BFSP2: variants seen among roughly 807,000 people sequenced by gnomAD.
The protein encoded by BFSP2 is phakinin.
In BFSP2, 38 loss-of-function variants were observed where a neutral mutation model predicts 44.9. The observed-to-expected ratio is 0.85, with a 90% CI of 0.65 to 1.11. The LOEUF (loss-of-function observed/expected upper bound fraction) is 1.11. Among genes scored for constraint, BFSP2 ranks in the 50% least tolerant of loss-of-function variants. The pLI is 0.00. For missense variants in BFSP2, 525 were observed against 533.0 expected, an observed-to-expected ratio of 0.99 and a Z score of 0.15; for synonymous variants, 197 against 209.9, an observed-to-expected ratio of 0.94 and a Z score of 0.53.
chr3:133,406,160 T>C (rs935797388), intron 1 of BFSP2, among the ~76,000 whole-genome samples: 3 of 151,376 alleles, frequency 2.0e-5, no homozygotes, highest in African/African-American at 4.9e-5. Flanking sequence ...GGTTTCACCA[T>C]GTTGGCCAGG....
chr3:133,473,438 C>CAAAAA (rs748691333), intron 6 of BFSP2, among the ~76,000 whole-genome samples: 6 of 73,056 alleles, frequency 8.2e-5, no homozygotes, highest in African/African-American at 3.1e-4. Context: ...GAGGCAGCAG[C>CAAAAA]AAAAAAAAAA....
At chr3:133,425,177 T>C (rs79149307) in intron 1 of BFSP2, among the ~76,000 whole-genome samples, 1,656 of 152,254 alleles carry the variant, frequency 0.011, 31 homozygotes, top group African/African-American at 0.038. Flanking sequence ...ATTATGGTCA[T>C]TCATGAGATT....
chr3:133,425,853 G>GAAGGGAAAC (rs772194357), intron 1 of BFSP2, among the ~76,000 whole-genome samples: 10,704 of 110,930 alleles, frequency 0.096, 1,412 homozygotes, highest in African/African-American at 0.23. Context: ...AGAAGGGAAA[G>GAAGGGAAAC]GAAGGGAAGG....
chr3:133,417,116 T>TTCTCCCCTCTACTTACCCCTGCCC (rs2073543139), intron 1 of BFSP2, among the ~76,000 whole-genome samples: 3 of 34,430 alleles, frequency 8.7e-5, no homozygotes, highest in Admixed American at 3.1e-4. Context: ...CACCCCTGCC[T>TTCTCCCCTCTACTTACCCCTGCCC]TCTCCCCTCT....
intron 1 of BFSP2, among the ~76,000 whole-genome samples, chr3:133,438,329 C>A (rs2073810929): frequency 6.6e-6 from 1 of 152,196 alleles, no homozygotes; most frequent in Non-Finnish European, 1.5e-5. Flanking sequence ...GAGTTCGAGA[C>A]CAGCCTGGCC....
chr3:133,406,539 C>T (rs2073406407), intron 1 of BFSP2, among the ~76,000 whole-genome samples: 2 of 152,154 alleles, frequency 1.3e-5, no homozygotes, highest in Admixed American at 6.5e-5. Flanking sequence ...TGAAGCCAGA[C>T]AGCCCCTAGC....
intron 1 of BFSP2, among the ~76,000 whole-genome samples, chr3:133,432,911 C>T (rs1335718470): frequency 6.6e-6 from 1 of 152,140 alleles, no homozygotes; most frequent in Non-Finnish European, 1.5e-5. Context: ...ACTGTTTTAG[C>T]CTAGCCCTCA....
chr3:133,403,989 G>A lies in BFSP2; in HGVS notation c.489+3417G>A, dbSNP rs899982982. ...TGGCAGAATCAGGAAGGCCGTCCTG[G>A]GGAGGGGGGAATCTTCCTCATCCTT... On this transcript the variant is annotated intron_variant, in intron 1 of 6. Transcript: ENST00000302334. Among the ~76,000 whole-genome samples the A allele has an allele frequency of 8.4e-5, 7 of 83,190 alleles. 1 individual carries two copies. The highest frequency in any genetic ancestry group is 3.2e-5 in the Non-Finnish European group (1 of 31,072). The allele number at this position is 83,190 out of a possible 152,430, so 54.6% of individuals were successfully genotyped here.
At position 133,400,621 on chromosome 3, in the gene BFSP2, T is replaced by C. The variant is rs773803150; in HGVS notation, c.489+49T>C. The C allele has an allele frequency of 4.0e-5, 62 of 1,557,656 alleles. No homozygotes were observed. In the African/African-American group the frequency reaches 6.1e-4, roughly 15 times the overall value. ...GGCTTTGCAGAGGGCTGGGAGGGGCTGCTGAAGGCAGCGGGTAGGGTTGTG... is the reference window on the plus strand; with the variant it reads ...GGCTTTGCAGAGGGCTGGGAGGGGCCGCTGAAGGCAGCGGGTAGGGTTGTG... On this transcript the variant is annotated intron_variant, in intron 1 of 6. Coordinates refer to ENST00000302334, the MANE Select transcript of BFSP2 (RefSeq NM_003571.4). This position sits in a 1 kb window ranked among gnomAD's most constrained non-coding sequence, Gnocchi z 4.0.
In BFSP2 at chr3:133,446,568, A is replaced by ATT. The variant is rs768442551; in HGVS notation, c.490-747_490-746dup. On this transcript the variant is annotated intron_variant, in intron 1 of 6. Coordinates refer to ENST00000302334, the MANE Select transcript of BFSP2 (RefSeq NM_003571.4). Reference sequence around the variant, plus strand: ...CCCCTATCAGAGCCTTCAGCTCACCATTTATATATATATATATATATATAT... The same window carrying ATT: ...CCCCTATCAGAGCCTTCAGCTCACCATTTTTATATATATATATATATATATAT... Among the ~76,000 whole-genome samples, 24 of 18,286 alleles carry ATT rather than the reference A, an allele frequency of 1.3e-3. 9 individuals carry two copies. In the South Asian group the frequency reaches 0.019, roughly 15 times the overall value. The allele number at this position is 18,286 out of a possible 152,430, so 12.0% of individuals were successfully genotyped here.
chr3:133,454,462 A>T (rs2073995197), intron 4 of BFSP2, among the ~76,000 whole-genome samples: 1 of 152,182 alleles, frequency 6.6e-6, no homozygotes, highest in Non-Finnish European at 1.5e-5. Context: ...CAATCCTGAC[A>T]CTACCTGCCT....
chr3:133,459,830 A>G (rs2074045735), intron 4 of BFSP2, among the ~76,000 whole-genome samples: 1 of 152,232 alleles, frequency 6.6e-6, no homozygotes, highest in African/African-American at 2.4e-5. Flanking sequence ...CTGTTATAAT[A>G]ACGATAGCTG....
chr3:133,400,523 CG>C lies in BFSP2; in HGVS notation c.443del (p.Gly148GlufsTer71). 1 of 1,613,642 alleles carries C rather than the reference CG, an allele frequency of 6.2e-7. No individual in the cohort carries two copies. On this transcript the variant is annotated frameshift_variant, in exon 1 of 7. Transcript: ENST00000302334. LOFTEE classifies it high-confidence loss of function. The surrounding 1 kb of genome is among the most constrained non-coding windows in gnomAD (Gnocchi z 4.0). ...RMHLESKATRSGNWGALRASW... is the reference protein window; with the variant it reads ...RMHLESKATRXGNWGALRASW... ...CACCTGGAGAGCAAAGCCACACGCT[CG>C]GGAAACTGGGGTGCCCTACGGGCTT...
chr3:133,429,869 AG>A (rs1437385357), intron 1 of BFSP2, among the ~76,000 whole-genome samples: 3 of 151,676 alleles, frequency 2.0e-5, no homozygotes, highest in Non-Finnish European at 4.4e-5. Context: ...CTCGTCATTT[AG>A]CATTAGGTAT....
chr3:133,433,067 G>A (rs2073743567), intron 1 of BFSP2, among the ~76,000 whole-genome samples: 2 of 151,930 alleles, frequency 1.3e-5, no homozygotes, highest in Admixed American at 6.6e-5. Context: ...TCTGCTCCCC[G>A]GCACCTTCAG....
In BFSP2 at chr3:133,472,497, G is replaced by A. The variant is rs1055196117; in HGVS notation, c.1176G>A (p.Leu392=). The A allele has an allele frequency of 5.6e-6, 9 of 1,613,272 alleles. No individual in the cohort carries two copies. The highest frequency in any genetic ancestry group is 7.6e-6 in the Non-Finnish European group (9 of 1,180,028). Residue 392 remains leucine (L), a synonymous_variant, in exon 6 of 7, where the codon CTG becomes CTA. Transcript: ENST00000302334. ...AGCAACAGGAGCGCGCGCATCTGCT[G>A]GCCCGCAAGTGCCAGCTGCAGAAGG... The part of the protein sequence containing the change: ...EQQQQERAHL[L]ARKCQLQKDV...
Position 133,448,637 on chromosome 3 carries a change from T to C in BFSP2, c.721T>C (p.Tyr241His). The C allele has an allele frequency of 1.2e-6, 2 of 1,613,700 alleles. No homozygotes were observed. Among genetic ancestry groups the C allele is most frequent in the African/African-American group, 1.3e-5 (1 of 74,996 alleles). Residue 241 changes from tyrosine (Y) to histidine (H), a missense_variant, in exon 3 of 7, where the codon TAT (tyrosine) becomes CAT (histidine). Transcript: ENST00000302334. Reference protein sequence around the residue: ...KEELGSLSRNYEEDVKLLHKQ... With the variant: ...KEELGSLSRNHEEDVKLLHKQ... ...AGAACTTGGCTCTCTATCAAGAAACTATGAAGAGGTAGGAGGGGGCTGGGG... is the reference window on the plus strand; with the variant it reads ...AGAACTTGGCTCTCTATCAAGAAACCATGAAGAGGTAGGAGGGGGCTGGGG...
At chr3:133,452,233 T>G (rs1323469418) in intron 4 of BFSP2, among the ~76,000 whole-genome samples, 1 of 152,212 alleles carries the variant, frequency 6.6e-6, no homozygotes, top group Admixed American at 6.5e-5. Context: ...ATACTCCCTC[T>G]ATCCCCCAAG....
chr3:133,407,418 A>G (rs1026187795), intron 1 of BFSP2, among the ~76,000 whole-genome samples: 1 of 152,242 alleles, frequency 6.6e-6, no homozygotes, highest in Non-Finnish European at 1.5e-5. Context: ...AAATAGACTC[A>G]ATAGCATAAA....
Sources: gnomAD v4.1 joint callset for allele counts (sites outside exome capture counted in the v4.1 genomes callset) on GRCh38, gnomAD v4.1.1 for gene constraint, Gnocchi (gnomAD v3.1) non-coding constraint, MANE v1.5 for transcripts, NCBI Gene and HGNC (gene_info 2026-07-23, HGNC 2026-07-21) for gene names.